XKR9: variants seen among roughly 807,000 people sequenced by gnomAD.
The protein encoded by XKR9 is XK-related protein 9.
Under a neutral mutation model 32.0 loss-of-function variants are expected in XKR9, and 32 were observed. The observed-to-expected ratio is 1.00, with a 90% CI of 0.76 to 1.34. The LOEUF is 1.34. Ranked by LOEUF, XKR9 falls within the 40% of genes most tolerant of loss-of-function variation. The pLI is 0.00. For synonymous variants in XKR9, 168 were observed against 143.4 expected (o/e 1.17, Z -1.22); for missense variants, 546 against 429.7 (o/e 1.27, Z -2.39).
the XKR9 span, among the ~76,000 whole-genome samples, chr8:70,836,927 C>T: frequency 7.2e-5 from 11 of 151,968 alleles, no homozygotes; most frequent in African/African-American, 2.7e-4. Flanking sequence ...TGCTCAGTTA[C>T]ATTGTATACA....
At chr8:70,729,941 A>G (rs1245724723) in intron 4 of XKR9, among the ~76,000 whole-genome samples, 2 of 152,244 alleles carry the variant, frequency 1.3e-5, no homozygotes, top group African/African-American at 4.8e-5. Flanking sequence ...AGAAAGTGAC[A>G]TACTTTATAA....
chr8:70,791,261 G>T (rs567312107), downstream of XKR9, among the ~76,000 whole-genome samples: 8 of 151,454 alleles, frequency 5.3e-5, no homozygotes, highest in Non-Finnish European at 8.8e-5. Context: ...GATTGCTTGA[G>T]CCCAGGAGTT....
At chr8:70,753,991 G>T (rs1807180928) in intron 2 of XKR9, among the ~76,000 whole-genome samples, 1 of 145,852 alleles carries the variant, frequency 6.9e-6, no homozygotes, top group African/African-American at 2.5e-5. Context: ...GTTTGCAGAT[G>T]ACATGATTGT....
At chr8:71,001,329 A>G in the XKR9 span, among the ~76,000 whole-genome samples, 1 of 152,190 alleles carries the variant, frequency 6.6e-6, no homozygotes, top group East Asian at 1.9e-4. Flanking sequence ...CAGCACCATC[A>G]CGGCTTACTA....
the XKR9 span, among the ~76,000 whole-genome samples, chr8:71,065,368 C>T: frequency 1.3e-5 from 2 of 152,120 alleles, no homozygotes; most frequent in African/African-American, 2.4e-5. Context: ...TGAAAGGCCA[C>T]GTGAGGACAC....
the XKR9 span, among the ~76,000 whole-genome samples, chr8:70,904,312 C>A: frequency 6.6e-6 from 1 of 152,132 alleles, no homozygotes; most frequent in Non-Finnish European, 1.5e-5. Context: ...GTATTGGGTG[C>A]ATGTATATTT....
chr8:70,752,012 G>T (rs1807149303), intron 2 of XKR9, among the ~76,000 whole-genome samples: 2 of 152,082 alleles, frequency 1.3e-5, no homozygotes, highest in Admixed American at 1.3e-4. Context: ...TAATACATTT[G>T]TGTAAGCCAA....
chr8:71,047,510 T>C, the XKR9 span, among the ~76,000 whole-genome samples: 2 of 152,372 alleles, frequency 1.3e-5, no homozygotes, highest in South Asian at 4.1e-4. Context: ...TGATCATGTG[T>C]AGTAAATGAA....
the XKR9 span, among the ~76,000 whole-genome samples, chr8:70,818,773 C>T: frequency 1.3e-5 from 2 of 152,060 alleles, no homozygotes; most frequent in African/African-American, 4.8e-5. Flanking sequence ...TTTTACATAC[C>T]TCTGCTAAGT....
chr8:70,712,732 C>A (rs1322646247), intron 4 of XKR9, among the ~76,000 whole-genome samples: 1 of 152,030 alleles, frequency 6.6e-6, no homozygotes, highest in Admixed American at 6.6e-5. Flanking sequence ...CCCTGCAAAA[C>A]AAAGAAACAA....
chr8:70,986,382 T>C, the XKR9 span, among the ~76,000 whole-genome samples: 164 of 152,284 alleles, frequency 1.1e-3, no homozygotes, highest in African/African-American at 3.9e-3. Flanking sequence ...AATAAAACAT[T>C]GAAAATCTCA....
chr8:70,983,919 C>T, the XKR9 span, among the ~76,000 whole-genome samples: 2 of 152,278 alleles, frequency 1.3e-5, no homozygotes, highest in Non-Finnish European at 1.5e-5. Context: ...CACTAGGCCA[C>T]ATGGCTATGG....
At chr8:70,754,962 C>T (rs979023104) in intron 2 of XKR9, among the ~76,000 whole-genome samples, 210 of 152,030 alleles carry the variant, frequency 1.4e-3, no homozygotes, top group Non-Finnish European at 2.6e-3. Flanking sequence ...AAACTACCAT[C>T]AGAGTGAACA....
chr8:70,717,721 C>T (rs956401243), intron 4 of XKR9, among the ~76,000 whole-genome samples: 1 of 152,156 alleles, frequency 6.6e-6, no homozygotes, highest in Non-Finnish European at 1.5e-5. Flanking sequence ...TCCCATTGTC[C>T]TGGTGATTAA....
intron 4 of XKR9, among the ~76,000 whole-genome samples, chr8:70,717,507 A>G (rs1255067820): frequency 1.3e-5 from 2 of 152,142 alleles, no homozygotes; most frequent in African/African-American, 4.8e-5. Flanking sequence ...GTACCCTCTG[A>G]AGCAATGGCC....
the XKR9 span, among the ~76,000 whole-genome samples, chr8:71,042,883 G>A: frequency 6.6e-6 from 1 of 152,052 alleles, no homozygotes; most frequent in African/African-American, 2.4e-5. Flanking sequence ...TCCCTCCTTG[G>A]TCACCACACT....
At chr8:70,920,252 C>T in the XKR9 span, among the ~76,000 whole-genome samples, 1 of 152,106 alleles carries the variant, frequency 6.6e-6, no homozygotes, top group African/African-American at 2.4e-5. Flanking sequence ...ATGTCCTTCA[C>T]AGCATCTAAG....
chr8:70,792,306 T>A (rs1034283257), downstream of XKR9, among the ~76,000 whole-genome samples: 3 of 152,084 alleles, frequency 2.0e-5, no homozygotes, highest in Admixed American at 2.0e-4. Flanking sequence ...AGACAATCAT[T>A]ACAACAGTGG....
At chr8:70,957,076 A>G in the XKR9 span, among the ~76,000 whole-genome samples, 1 of 152,248 alleles carries the variant, frequency 6.6e-6, no homozygotes, top group Non-Finnish European at 1.5e-5. Context: ...CACAGCCACC[A>G]TCACATGGAA....
Sources: gnomAD v4.1 joint callset for allele counts (sites outside exome capture counted in the v4.1 genomes callset) on GRCh38, gnomAD v4.1.1 for gene constraint, MANE v1.5 for transcripts, NCBI Gene and HGNC (gene_info 2026-07-23, HGNC 2026-07-21) for gene names.